Variants in VAV1 observed in about 807,000 individuals in gnomAD.
The protein encoded by VAV1 is vav guanine nucleotide exchange factor 1, also known as proto-oncogene vav.
VAV1 carries 33 observed loss-of-function variants against 128.1 expected under a neutral mutation model. The observed-to-expected ratio is 0.26, with a 90% CI of 0.20 to 0.34. The LOEUF is 0.34. Ranked by LOEUF, VAV1 falls within the 10% of genes least tolerant of loss-of-function variation. The pLI is 1.00. For missense variants in VAV1, 715 were observed against 1,093.7 expected, an observed-to-expected ratio of 0.65 and a Z score of 4.88; for synonymous variants, 394 against 409.8, an observed-to-expected ratio of 0.96 and a Z score of 0.47.
At chr19:6,781,041 T>C (rs1396007549) in intron 1 of VAV1, among the ~76,000 whole-genome samples, 1 of 151,826 alleles carries the variant, frequency 6.6e-6, no homozygotes, top group Non-Finnish European at 1.5e-5. Context: ...CCTGAGCAGC[T>C]GGGACTACAG....
chr19:6,811,510 T>C (rs552505918), intron 1 of VAV1, among the ~76,000 whole-genome samples: 25 of 152,200 alleles, frequency 1.6e-4, no homozygotes, highest in African/African-American at 5.8e-4. Context: ...GAGGCTGCAG[T>C]TGGGGGAGAA....
At chr19:6,854,848 A>G (rs1037863001) in intron 26 of VAV1, among the ~76,000 whole-genome samples, 19 of 152,188 alleles carry the variant, frequency 1.2e-4, no homozygotes, top group Non-Finnish European at 2.4e-4. Flanking sequence ...TAAGGGATAA[A>G]TAAAGTCATG....
chr19:6,819,385 C>G lies in VAV1; in HGVS notation c.205-1317C>G, dbSNP rs565578145. Among the ~76,000 whole-genome samples the G allele has an allele frequency of 7.2e-4, 110 of 152,300 alleles. 2 individuals carry two copies. The South Asian group carries it at 0.022, about 30-fold the overall frequency. ...AATGGGACCTGTGTTTTGAAGAAAC[C>G]AACCCTACTGACACCTTGATCTTGG... On this transcript the variant is annotated intron_variant, in intron 1 of 26. Coordinates refer to ENST00000602142, the MANE Select transcript of VAV1 (RefSeq NM_005428.4).
At chr19:6,814,591 GCTT>G (rs1263069336) in intron 1 of VAV1, among the ~76,000 whole-genome samples, 3 of 151,518 alleles carry the variant, frequency 2.0e-5, no homozygotes, top group Non-Finnish European at 4.4e-5. Context: ...GTTGATGATT[GCTT>G]CTTCTGCAAA....
Position 6,836,968 on chromosome 19 carries a change from G to C in VAV1, c.1915-17G>C. 5.6e-6 allele frequency: 9 copies of C among 1,613,886 alleles called. No homozygotes were observed. The highest frequency in any genetic ancestry group is 7.6e-6 in the Non-Finnish European group (9 of 1,179,864). Reference sequence around the variant, plus strand: ...CTATAACCTCTCTGTTCCTGTTTTTGTCTCCTGGGTGTTTAGGGCAGAAAT... The same window carrying C: ...CTATAACCTCTCTGTTCCTGTTTTTCTCTCCTGGGTGTTTAGGGCAGAAAT... On this transcript the variant is annotated splice_polypyrimidine_tract_variant and intron_variant, in intron 20 of 26. Coordinates refer to ENST00000602142, the MANE Select transcript of VAV1 (RefSeq NM_005428.4).
Position 6,822,306 on chromosome 19 carries a change from C to A in VAV1, c.535C>A (p.Arg179Ser), listed in dbSNP as rs745430064. Residue 179 changes from arginine (R) to serine (S), a missense_variant, in exon 5 of 27, where the codon CGC (arginine) becomes AGC (serine). Transcript: ENST00000602142. This position sits in a 1 kb window ranked among gnomAD's most constrained non-coding sequence, Gnocchi z 5.9. ...EGDEIYEDLM[R>S]SEPVSMPPKM... Reference sequence around the variant, plus strand: ...CGACGAGATCTATGAGGACCTCATGCGCTCGGAGCCCGTGTCCATGCCGGT... The same window carrying A: ...CGACGAGATCTATGAGGACCTCATGAGCTCGGAGCCCGTGTCCATGCCGGT... 43 of 1,550,128 alleles carry A rather than the reference C, an allele frequency of 2.8e-5. No individual in the cohort carries two copies. The highest frequency in any genetic ancestry group is 2.7e-4 in the South Asian group (23 of 85,894).
intron 14 of VAV1, among the ~76,000 whole-genome samples, chr19:6,831,590 G>T (rs1972056669): frequency 6.6e-6 from 1 of 152,154 alleles, no homozygotes; most frequent in Admixed American, 6.5e-5. Flanking sequence ...GGGATTACAG[G>T]TGTAAGCCAC....
chr19:6,814,674 T>TCCTTCCTTTCTCTCTCTCTCTCTCTC, intron 1 of VAV1, among the ~76,000 whole-genome samples: 2 of 95,234 alleles, frequency 2.1e-5, no homozygotes, highest in African/African-American at 1.1e-4. Flanking sequence ...CTTCCTTCCT[T>TCCTTCCTTTCTCTCTCTCTCTCTCTC]TCTTTCTTTC....
intron 1 of VAV1, among the ~76,000 whole-genome samples, chr19:6,809,377 G>A (rs574951680): frequency 3.3e-5 from 5 of 152,054 alleles, no homozygotes; most frequent in Non-Finnish European, 5.9e-5. Flanking sequence ...CACCATACCC[G>A]GCAATTCTCT....
At chr19:6,856,877 T>G (rs1053909235) in intron 26 of VAV1, among the ~76,000 whole-genome samples, 177 bp from the exon 27 acceptor site, 15 of 147,028 alleles carry the variant, frequency 1.0e-4, no homozygotes, top group South Asian at 4.3e-4. Context: ...AGGTAATGGG[T>G]GTGTGTGTGT....
intron 6 of VAV1, among the ~76,000 whole-genome samples, chr19:6,823,414 T>A (rs1178077823): frequency 1.3e-5 from 2 of 151,456 alleles, no homozygotes; most frequent in East Asian, 3.9e-4. Context: ...CATGAGCCAC[T>A]GTGCCTGGCT....
At chr19:6,824,953 C>T (rs1186942840) in intron 6 of VAV1, 100 bp from the exon 7 acceptor site, 1 of 1,271,882 alleles carries the variant, frequency 7.9e-7, no homozygotes, top group Non-Finnish European at 1.1e-6. Flanking sequence ...CGCGCTGCCT[C>T]TCTTTATCTC....
At chr19:6,785,664 T>TC (rs34036832) in intron 1 of VAV1, among the ~76,000 whole-genome samples, 35 of 123,174 alleles carry the variant, frequency 2.8e-4, no homozygotes, top group Non-Finnish European at 3.4e-4. Flanking sequence ...TTTCTTTCTT[T>TC]TTTTTTTTTT....
At chr19:6,839,006 G>T (rs574968236) in intron 21 of VAV1, among the ~76,000 whole-genome samples, 1 of 151,978 alleles carries the variant, frequency 6.6e-6, no homozygotes, top group African/African-American at 2.4e-5. Context: ...GGTTTCAAGC[G>T]ATTCTCCTGC....
At chr19:6,799,794 G>T (rs1018502189) in intron 1 of VAV1, among the ~76,000 whole-genome samples, 1 of 144,792 alleles carries the variant, frequency 6.9e-6, no homozygotes, top group Non-Finnish European at 1.5e-5. Flanking sequence ...GCAGTGAGCT[G>T]TGATTGGGCC....
At chr19:6,803,667 C>A (rs1321237873) in intron 1 of VAV1, among the ~76,000 whole-genome samples, 1 of 152,148 alleles carries the variant, frequency 6.6e-6, no homozygotes, top group East Asian at 1.9e-4. Context: ...CAGGTCCAAG[C>A]TGTTCTCCTG....
At chr19:6,848,650 G>A (rs1332536491) in intron 23 of VAV1, among the ~76,000 whole-genome samples, 1 of 151,902 alleles carries the variant, frequency 6.6e-6, no homozygotes, top group Non-Finnish European at 1.5e-5. Context: ...TGATCCACCC[G>A]CCTCGGCCTC....
At chr19:6,801,219 C>T (rs1043341895) in intron 1 of VAV1, among the ~76,000 whole-genome samples, 10 of 152,290 alleles carry the variant, frequency 6.6e-5, no homozygotes, top group African/African-American at 2.2e-4. Context: ...AATGCATGAC[C>T]GGGTCTGGGG....
chr19:6,835,214 T>TACAC lies in VAV1; in HGVS notation c.1778-1187_1778-1184dup, dbSNP rs59124872. 9.8e-3 allele frequency among the ~76,000 whole-genome samples: 1,431 copies of TACAC among 145,436 alleles called. 19 individuals are homozygous for TACAC. Among genetic ancestry groups the TACAC allele is most frequent in the African/African-American group, 0.03 (1,177 of 39,230 alleles). The stretch of plus-strand genomic sequence containing the variant: ...ATATATATGTGTATATATATATACA[T>TACAC]ACACACACACACACACACACACACA... On this transcript the variant is annotated intron_variant, in intron 19 of 26. Coordinates refer to ENST00000602142, the MANE Select transcript of VAV1 (RefSeq NM_005428.4).
Sources: allele counts gnomAD v4.1 joint callset (sites outside exome capture counted in the v4.1 genomes callset), GRCh38; gene constraint gnomAD v4.1.1; non-coding constraint Gnocchi (gnomAD v3.1); transcripts MANE v1.5; gene names NCBI Gene and HGNC (gene_info 2026-07-23, HGNC 2026-07-21).